The following KCNIP4 variants were observed in gnomAD, a reference collection of about 807,000 sequenced individuals.
KCNIP4 encodes the protein Kv channel-interacting protein 4.
In KCNIP4, 12 loss-of-function variants were observed where a neutral mutation model predicts 34.0. The ratio of observed to expected loss-of-function variants is 0.35; its 90% CI spans 0.23 to 0.57. KCNIP4 has a LOEUF of 0.57. Ranked by LOEUF, KCNIP4 falls within the 20% of genes least tolerant of loss-of-function variation. The pLI is 0.83. For synonymous variants in KCNIP4, 124 were observed against 102.2 expected, an observed-to-expected ratio of 1.21 and a Z score of -1.29; for missense variants, 238 against 311.7, an observed-to-expected ratio of 0.76 and a Z score of 1.78.
intron 1 of KCNIP4, among the ~76,000 whole-genome samples, chr4:20,990,309 A>T (rs528897350): frequency 6.6e-6 from 1 of 152,338 alleles, no homozygotes; most frequent in East Asian, 1.9e-4. Flanking sequence ...CTGCTCAAAC[A>T]TGATCAGACT....
At chr4:21,841,891 G>A (rs889625023) in intron 1 of KCNIP4, among the ~76,000 whole-genome samples, 1 of 152,052 alleles carries the variant, frequency 6.6e-6, no homozygotes, top group Non-Finnish European at 1.5e-5. Flanking sequence ...TATCACTTCA[G>A]GCTCTCAAAC....
chr4:21,273,214 T>A (rs1762255662), intron 1 of KCNIP4, among the ~76,000 whole-genome samples: 1 of 152,140 alleles, frequency 6.6e-6, no homozygotes, highest in East Asian at 1.9e-4. Flanking sequence ...ACACAATTCC[T>A]GGTCAATATA....
Position 21,802,142 on chromosome 4 carries a change from C to T in KCNIP4, c.61+146429G>A, listed in dbSNP as rs114080277. Among the ~76,000 whole-genome samples the T allele has an allele frequency of 4.0e-3, 609 of 152,110 alleles. 3 individuals carry two copies. Among genetic ancestry groups the T allele is most frequent in the African/African-American group, 0.014 (579 of 41,492 alleles). On this transcript the variant is annotated intron_variant, in intron 1 of 8. Coordinates refer to ENST00000382152, the MANE Select transcript of KCNIP4 (RefSeq NM_025221.6). ...GAAGTGCAGACTGTTGCCTGTCTTACAAATCAAAACCACAGTATTTGACCA... is the reference window on the plus strand; with the variant it reads ...GAAGTGCAGACTGTTGCCTGTCTTATAAATCAAAACCACAGTATTTGACCA...
At chr4:21,075,055 C>G (rs1216462997) in intron 1 of KCNIP4, among the ~76,000 whole-genome samples, 1 of 152,106 alleles carries the variant, frequency 6.6e-6, no homozygotes, top group African/African-American at 2.4e-5. Flanking sequence ...GCTTTACTTC[C>G]AACTATGTGG....
At chr4:21,542,065 G>A (rs1450955374) in intron 1 of KCNIP4, among the ~76,000 whole-genome samples, 2 of 152,242 alleles carry the variant, frequency 1.3e-5, no homozygotes, top group Admixed American at 6.5e-5. Flanking sequence ...AGGCAACTGT[G>A]GACATTTTTA....
At chr4:21,871,009 A>G (rs1182618045) in intron 1 of KCNIP4, among the ~76,000 whole-genome samples, 1 of 152,104 alleles carries the variant, frequency 6.6e-6, no homozygotes, top group Non-Finnish European at 1.5e-5. Flanking sequence ...ACAGAAAAAC[A>G]TGTGGTTGAC....
intron 1 of KCNIP4, among the ~76,000 whole-genome samples, chr4:21,375,073 T>C (rs748253980): frequency 6.8e-6 from 1 of 147,668 alleles, no homozygotes; most frequent in Non-Finnish European, 1.5e-5. Context: ...TTAGAGGGTG[T>C]GTGCAAACTT....
At chr4:21,929,648 C>G (rs75225687) in intron 1 of KCNIP4, among the ~76,000 whole-genome samples, 1 of 152,148 alleles carries the variant, frequency 6.6e-6, no homozygotes, top group Non-Finnish European at 1.5e-5. Context: ...ACTGCTCAGT[C>G]TATTCCTTTT....
intron 1 of KCNIP4, among the ~76,000 whole-genome samples, chr4:21,108,395 C>A (rs1181010625): frequency 6.6e-6 from 1 of 151,504 alleles, no homozygotes; most frequent in Non-Finnish European, 1.5e-5. Flanking sequence ...CGCATCGGCT[C>A]CTGAGGCTTC....
intron 1 of KCNIP4, among the ~76,000 whole-genome samples, chr4:21,600,577 T>A (rs1180738334): frequency 6.6e-6 from 1 of 151,996 alleles, no homozygotes; most frequent in Non-Finnish European, 1.5e-5. Flanking sequence ...GAATACCAGT[T>A]ATCATTTCTC....
rs58025914 is a variant in KCNIP4, at chr4:21,383,498, C to CAA, written c.62-500791_62-500790dup. Reference sequence around the variant, plus strand: ...TGAAGTCTATGTAGGAGTAGCAAGACAAAAAAAAAAAAAAAAAAGAGGGTG... The same window carrying CAA: ...TGAAGTCTATGTAGGAGTAGCAAGACAAAAAAAAAAAAAAAAAAAAGAGGGTG... On this transcript the variant is annotated intron_variant, in intron 1 of 8. Transcript: ENST00000382152. 3.6e-3 allele frequency among the ~76,000 whole-genome samples: 410 copies of CAA among 114,048 alleles called. 4 individuals are homozygous for CAA. The highest frequency in any genetic ancestry group is 0.015 in the East Asian group (57 of 3,902). The allele number at this position is 114,048 out of a possible 152,430, so 74.8% of individuals were successfully genotyped here.
At chr4:21,353,755 C>T (rs1718265573) in intron 1 of KCNIP4, among the ~76,000 whole-genome samples, 1 of 152,158 alleles carries the variant, frequency 6.6e-6, no homozygotes, top group Non-Finnish European at 1.5e-5. Context: ...CTTCCTCAAC[C>T]TAGCAAGGTA....
chr4:20,878,762 A>T (rs962796416), intron 2 of KCNIP4, among the ~76,000 whole-genome samples: 1 of 152,196 alleles, frequency 6.6e-6, no homozygotes, highest in Non-Finnish European at 1.5e-5. Flanking sequence ...GCACAACAGG[A>T]ATTCAAACAC....
intron 2 of KCNIP4, among the ~76,000 whole-genome samples, chr4:20,863,965 C>T (rs1722481650): frequency 6.7e-6 from 1 of 149,348 alleles, no homozygotes; most frequent in Non-Finnish European, 1.5e-5. Flanking sequence ...CACACACATA[C>T]ATATACATAT....
chr4:20,825,490 T>C (rs1428941267), intron 3 of KCNIP4, among the ~76,000 whole-genome samples: 1 of 152,108 alleles, frequency 6.6e-6, no homozygotes, highest in Non-Finnish European at 1.5e-5. Context: ...ATCCCACATT[T>C]CTAGGCTGTG....
intron 1 of KCNIP4, among the ~76,000 whole-genome samples, chr4:21,342,842 T>C (rs17461202): frequency 0.098 from 14,903 of 152,086 alleles, 827 homozygotes; most frequent in Middle Eastern, 0.13. Context: ...TCCCTAAATG[T>C]CAATACTCAA....
At chr4:21,658,562 C>G (rs1245769614) in intron 1 of KCNIP4, among the ~76,000 whole-genome samples, 1 of 152,036 alleles carries the variant, frequency 6.6e-6, no homozygotes, top group East Asian at 1.9e-4. Flanking sequence ...ATTACCAGGC[C>G]TGGCTAATTT....
At chr4:20,746,384 C>T (rs1390567558) in intron 5 of KCNIP4, among the ~76,000 whole-genome samples, 1 of 151,058 alleles carries the variant, frequency 6.6e-6, no homozygotes, top group Non-Finnish European at 1.5e-5. Context: ...GGGTGGGGGG[C>T]TAGGGGAGGG....
intron 1 of KCNIP4, among the ~76,000 whole-genome samples, chr4:21,629,911 T>C (rs1164897957): frequency 7.3e-6 from 1 of 137,554 alleles, no homozygotes; most frequent in African/African-American, 2.7e-5. Flanking sequence ...AGTGCAGTGG[T>C]GCAATCATGG....
Sources: gnomAD v4.1 joint callset for allele counts (sites outside exome capture counted in the v4.1 genomes callset) on GRCh38, gnomAD v4.1.1 for gene constraint, MANE v1.5 for transcripts, NCBI Gene and HGNC (gene_info 2026-07-23, HGNC 2026-07-21) for gene names.